The following PIK3CB variants were observed in gnomAD, a reference collection of about 807,000 sequenced individuals.
PIK3CB encodes phosphatidylinositol 4,5-bisphosphate 3-kinase catalytic subunit beta isoform.
Under a neutral mutation model 136.8 loss-of-function variants are expected in PIK3CB, and 39 were observed. The ratio of observed to expected loss-of-function variants is 0.29; its 90% CI spans 0.22 to 0.37. The LOEUF is 0.37. Ranked by LOEUF, PIK3CB falls within the 10% of genes least tolerant of loss-of-function variation. The pLI is 1.00. For synonymous variants in PIK3CB, 428 were observed against 436.6 expected (o/e 0.98, Z 0.25); for missense variants, 868 against 1,275.4 (o/e 0.68, Z 4.87).
intron 2 of PIK3CB, among the ~76,000 whole-genome samples, chr3:138,777,639 C>G (rs964319148): frequency 1.3e-5 from 2 of 152,152 alleles, no homozygotes; most frequent in Admixed American, 6.5e-5. Context: ...GAATGTTTTA[C>G]ACCACTAAGT....
In PIK3CB at chr3:138,717,253, C is replaced by CA. The variant is rs538932107; in HGVS notation, c.1051-2535dup. ...TGGGCAACAGAGTGAGACGCTGTCTCAAAAAAAAAAAAAAAAAAGAAGTAG... is the reference window on the plus strand; with the variant it reads ...TGGGCAACAGAGTGAGACGCTGTCTCAAAAAAAAAAAAAAAAAAAGAAGTAG... On this transcript the variant is annotated intron_variant, in intron 8 of 23. Transcript: ENST00000674063. Among the ~76,000 whole-genome samples the CA allele has an allele frequency of 8.9e-3, 697 of 78,392 alleles. 1 individual carries two copies. The highest frequency in any genetic ancestry group is 0.013 in the African/African-American group (267 of 21,170). 51.4% of individuals were successfully genotyped at this position (78,392 alleles called of 152,430 possible). A position where few individuals can be genotyped will look rare whatever the true frequency, so the allele number is the denominator to read the frequency against.
At chr3:138,676,597 C>A (rs2043649105) in intron 19 of PIK3CB, among the ~76,000 whole-genome samples, 1 of 152,122 alleles carries the variant, frequency 6.6e-6, no homozygotes, top group African/African-American at 2.4e-5. Context: ...GTGAAACCAA[C>A]CAAAATATTC....
chr3:138,825,727 G>A lies in PIK3CB; in HGVS notation c.-122+8968C>T, dbSNP rs1374297285. On this transcript the variant is annotated intron_variant, in intron 1 of 23. Transcript: ENST00000674063. ...CTACAAAACTGGTGATATTGGTACT[G>A]TGCCTATAGGCCAAGTGGAGACTGG... is the stretch of plus-strand genomic sequence containing the variant. 1.8e-5 allele frequency: 12 copies of A among 683,050 alleles called. No homozygotes were observed. In the Admixed American group the frequency reaches 2.7e-4, roughly 16 times the overall value. The allele number at this position is 683,050 out of a possible 1,614,324, so 42.3% of individuals were successfully genotyped here.
chr3:138,812,545 T>G (rs941972238), intron 1 of PIK3CB, among the ~76,000 whole-genome samples: 1 of 148,636 alleles, frequency 6.7e-6, no homozygotes, highest in African/African-American at 2.5e-5. Flanking sequence ...TTTTTTTTTT[T>G]GAGACGAAGT....
intron 5 of PIK3CB, 35 bp downstream of exon 5, chr3:138,742,523 A>G (rs1467540309): frequency 9.4e-7 from 1 of 1,062,836 alleles, no homozygotes; most frequent in Admixed American, 2.2e-5. Context: ...TGAGAAATTT[A>G]TTACAAAATA....
At chr3:138,692,844 T>C (rs1265616435) in intron 14 of PIK3CB, among the ~76,000 whole-genome samples, 2 of 152,318 alleles carry the variant, frequency 1.3e-5, no homozygotes, top group Admixed American at 6.5e-5. Context: ...GAGACAGTCA[T>C]TTCTTCAGTG....
At chr3:138,818,952 A>G (rs1450274329) in intron 1 of PIK3CB, among the ~76,000 whole-genome samples, 1 of 152,228 alleles carries the variant, frequency 6.6e-6, no homozygotes, top group Admixed American at 6.6e-5. Context: ...CGACTACATT[A>G]TAAGTCATAA....
At chr3:138,781,553 G>A (rs2045923858) in intron 2 of PIK3CB, among the ~76,000 whole-genome samples, 1 of 151,840 alleles carries the variant, frequency 6.6e-6, no homozygotes, top group African/African-American at 2.4e-5. Context: ...CCCGGGTTCA[G>A]GTGATTCTCT....
intron 2 of PIK3CB, among the ~76,000 whole-genome samples, chr3:138,763,407 G>T (rs2045689442): frequency 6.6e-6 from 1 of 152,098 alleles, no homozygotes; most frequent in Non-Finnish European, 1.5e-5. Flanking sequence ...AAAGTGCTGG[G>T]ATTACAGGCA....
intron 19 of PIK3CB, among the ~76,000 whole-genome samples, chr3:138,670,450 G>C (rs567204438): frequency 5.9e-5 from 9 of 152,138 alleles, no homozygotes; most frequent in African/African-American, 1.9e-4. Context: ...ATATTCCTGG[G>C]GGCTTACTTT....
At chr3:138,752,309 T>G (rs1356785387) in intron 4 of PIK3CB, among the ~76,000 whole-genome samples, 2 of 152,366 alleles carry the variant, frequency 1.3e-5, no homozygotes, top group African/African-American at 4.8e-5. Flanking sequence ...GTTCTATTGT[T>G]TTCTTTGGAG....
At chr3:138,682,181 A>G (rs2043796033) in intron 18 of PIK3CB, 136 bp from the exon 19 acceptor site, 1 of 570,596 alleles carries the variant, frequency 1.8e-6, no homozygotes, top group African/African-American at 1.9e-5. Context: ...TTTATAACAA[A>G]TATTACACTC....
At chr3:138,695,266 C>A (rs1335116359) in intron 13 of PIK3CB, among the ~76,000 whole-genome samples, 1 of 152,148 alleles carries the variant, frequency 6.6e-6, no homozygotes, top group Non-Finnish European at 1.5e-5. Context: ...CTAAGTACCA[C>A]TGACATCAAC....
chr3:138,816,991 G>A (rs546010936), intron 1 of PIK3CB, among the ~76,000 whole-genome samples: 63 of 150,922 alleles, frequency 4.2e-4, no homozygotes, highest in Non-Finnish European at 7.7e-4. Context: ...GCTGGAGGTC[G>A]GGAGTTCAAG....
intron 1 of PIK3CB, among the ~76,000 whole-genome samples, chr3:138,799,835 G>A (rs949452345): frequency 6.6e-6 from 1 of 151,408 alleles, no homozygotes; most frequent in African/African-American, 2.4e-5. Context: ...GTGCCACCAC[G>A]CCTGCCTAAT....
At chr3:138,722,127 GTGTTT>G (rs2044738388) in intron 8 of PIK3CB, among the ~76,000 whole-genome samples, 4 of 95,122 alleles carry the variant, frequency 4.2e-5, no homozygotes, top group African/African-American at 1.5e-4. Context: ...TTGCTACTGG[GTGTTT>G]TTTTTTTTTT....
intron 1 of PIK3CB, 140 bp downstream of exon 1, chr3:138,834,555 T>G (rs2108949477): frequency 6.6e-6 from 1 of 152,436 alleles, no homozygotes; most frequent in Non-Finnish European, 1.5e-5. Flanking sequence ...GGAAGCGCGG[T>G]GCAACCACAA....
At chr3:138,832,344 GCTT>G (rs896557513) in intron 1 of PIK3CB, among the ~76,000 whole-genome samples, 8 of 152,042 alleles carry the variant, frequency 5.3e-5, no homozygotes, top group Non-Finnish European at 1.2e-4. Context: ...TTAGATTTTT[GCTT>G]CTTAAGTCAT....
At chr3:138,711,369 C>T (rs1352570773) in intron 10 of PIK3CB, among the ~76,000 whole-genome samples, 4 of 151,888 alleles carry the variant, frequency 2.6e-5, no homozygotes, top group East Asian at 3.9e-4. Flanking sequence ...CACCTGAGGT[C>T]GGGAGTTCCA....
Sources: gnomAD v4.1 joint callset for allele counts (sites outside exome capture counted in the v4.1 genomes callset) on GRCh38, gnomAD v4.1.1 for gene constraint, MANE v1.5 for transcripts, NCBI Gene and HGNC (gene_info 2026-07-23, HGNC 2026-07-21) for gene names.